Variants in TNKS observed in about 807,000 individuals in gnomAD.
TNKS encodes tankyrase.
A neutral mutation model predicts 135.8 loss-of-function variants in TNKS; 72 were observed. The observed-to-expected ratio is 0.53, with a 90% CI of 0.44 to 0.64. The LOEUF is 0.64. TNKS is among the 30% of genes least tolerant of loss of function. TNKS has a pLI of 0.00. For missense variants in TNKS, 1,769 were observed against 1,674.0 expected, an observed-to-expected ratio of 1.06 and a Z score of -0.99; for synonymous variants, 849 against 649.3, an observed-to-expected ratio of 1.31 and a Z score of -4.68.
Position 9,597,456 on chromosome 8 carries a change from T to C in TNKS, c.898+17073T>C, listed in dbSNP as rs28716954. 9.7e-3 allele frequency among the ~76,000 whole-genome samples: 1,466 copies of C among 151,174 alleles called. 16 individuals carry two copies. The highest frequency in any genetic ancestry group is 0.034 in the African/African-American group (1,383 of 40,458). ...GCGTGAATTTGTGTTACATTCTTTG[T>C]TTAGTATCCTTTGTAATTTTGTAAA... On this transcript the variant is annotated intron_variant, in intron 2 of 26. Coordinates refer to ENST00000310430, the MANE Select transcript of TNKS (RefSeq NM_003747.3).
chr8:9,618,664 A>T lies in TNKS; in HGVS notation c.994+2987A>T, dbSNP rs73539923. Among the ~76,000 whole-genome samples the T allele has an allele frequency of 7.1e-3, 1,076 of 152,314 alleles. 14 individuals carry two copies. Among genetic ancestry groups the T allele is most frequent in the African/African-American group, 0.024 (998 of 41,574 alleles). On this transcript the variant is annotated intron_variant, in intron 3 of 26. Transcript: ENST00000310430. ...AGCAGTTTTTGTGTGTTTTGATTAT[A>T]AATTTTTTAAAGTAACATACTTTTG...
intron 1 of TNKS, among the ~76,000 whole-genome samples, chr8:9,578,080 C>T (rs984907252): frequency 6.6e-6 from 1 of 152,200 alleles, no homozygotes; most frequent in African/African-American, 2.4e-5. Flanking sequence ...CAGGCCACAC[C>T]AACACAAGGG....
intron 3 of TNKS, among the ~76,000 whole-genome samples, chr8:9,661,887 A>T (rs1190703464): frequency 6.6e-6 from 1 of 152,248 alleles, no homozygotes; most frequent in African/African-American, 2.4e-5. Context: ...ACAAATGTAC[A>T]AGAAAAAAAC....
chr8:9,675,630 T>C (rs761517146), intron 3 of TNKS, among the ~76,000 whole-genome samples: 19 of 152,352 alleles, frequency 1.2e-4, no homozygotes, highest in Admixed American at 2.6e-4. Flanking sequence ...GCTTGTTATA[T>C]TGATGTGATT....
At chr8:9,676,422 T>A (rs999211358) in intron 3 of TNKS, among the ~76,000 whole-genome samples, 1 of 152,184 alleles carries the variant, frequency 6.6e-6, no homozygotes, top group African/African-American at 2.4e-5. Context: ...TTTACAAAAC[T>A]AAGTCTACCT....
chr8:9,750,274 C>T (rs899251281), intron 18 of TNKS, among the ~76,000 whole-genome samples: 2 of 152,164 alleles, frequency 1.3e-5, no homozygotes, highest in African/African-American at 4.8e-5. Flanking sequence ...CTTGAAGAAA[C>T]TTTTGCTGAT....
intron 17 of TNKS, among the ~76,000 whole-genome samples, chr8:9,747,427 A>G (rs1399036577): frequency 1.3e-5 from 2 of 152,156 alleles, no homozygotes; most frequent in Non-Finnish European, 2.9e-5. Context: ...CCTCATGCCC[A>G]GGTTATTAGC....
At chr8:9,676,287 A>G (rs1273271061) in intron 3 of TNKS, among the ~76,000 whole-genome samples, 1 of 152,034 alleles carries the variant, frequency 6.6e-6, no homozygotes, top group Non-Finnish European at 1.5e-5. Flanking sequence ...TGTTGGGATT[A>G]CAGGTGTGAG....
At chr8:9,615,155 A>T (rs537203193) in intron 2 of TNKS, 1 of 159,326 alleles carries the variant, frequency 6.3e-6, no homozygotes, top group Non-Finnish European at 1.4e-5. Flanking sequence ...TATTATAACT[A>T]TTCTGAGGAG....
At position 9,748,311 on chromosome 8, in the gene TNKS, C is replaced by T. The variant is rs189920891; in HGVS notation, c.2832+99C>T. On this transcript the variant is annotated intron_variant, in intron 18 of 26. Transcript: ENST00000310430. ...AGCTTACTTTTAGTCGTGTTTATTT[C>T]ACTTAGAACAGAGATCTTCTGAAAA... is the stretch of plus-strand genomic sequence containing the variant. 298 of 1,088,104 alleles carry T rather than the reference C, an allele frequency of 2.7e-4. 1 individual carries two copies. In the East Asian group the frequency reaches 5.7e-3, roughly 21 times the overall value. 67.4% of individuals were successfully genotyped at this position (1,088,104 alleles called of 1,614,324 possible).
chr8:9,602,024 C>G lies in TNKS; in HGVS notation c.899-13558C>G, dbSNP rs76142255. Among the ~76,000 whole-genome samples, 10 of 152,036 alleles carry G rather than the reference C, an allele frequency of 6.6e-5. No homozygotes were observed. The East Asian group carries it at 1.9e-3, about 30-fold the overall frequency. On this transcript the variant is annotated intron_variant, in intron 2 of 26. Transcript: ENST00000310430. Reference sequence around the variant, plus strand: ...CGTTCTCAAGCAGGGACAGTTTTACCCCTTAGAGGGCATATTTAGCTATAT... The same window carrying G: ...CGTTCTCAAGCAGGGACAGTTTTACGCCTTAGAGGGCATATTTAGCTATAT...
rs1254509018 is a variant in TNKS, at chr8:9,780,553, A to G, written c.*3817A>G. 1 of 152,228 alleles carries G rather than the reference A, an allele frequency of 6.6e-6. No homozygotes were observed. The highest frequency in any genetic ancestry group is 1.5e-5 in the Non-Finnish European group (1 of 68,044). 9.4% of individuals were successfully genotyped at this position (152,228 alleles called of 1,614,324 possible). A position where few individuals can be genotyped will look rare whatever the true frequency, so the allele number is the denominator to read the frequency against. On this transcript the variant is annotated 3_prime_UTR_variant, in exon 27 of 27. Transcript: ENST00000310430. Reference sequence around the variant, plus strand: ...GTACACATCTAGCATATGGAAAGCAAATGCACTCGAAAACTACTATTCTAG... The same window carrying G: ...GTACACATCTAGCATATGGAAAGCAGATGCACTCGAAAACTACTATTCTAG...
chr8:9,730,801 A>G (rs754316873), intron 13 of TNKS, 89 bp from the exon 14 acceptor site: 1 of 1,390,756 alleles, frequency 7.2e-7, no homozygotes, highest in Non-Finnish European at 9.8e-7. Flanking sequence ...TAATTTACTT[A>G]TCCAAGATGT....
At position 9,556,658 on chromosome 8, in the gene TNKS, C is replaced by T. The variant is rs760076043; in HGVS notation, c.673+46C>T. 160 of 1,606,238 alleles carry T rather than the reference C, an allele frequency of 1.0e-4. 1 individual carries two copies. The highest frequency in any genetic ancestry group is 2.1e-5 in the Non-Finnish European group (25 of 1,177,000). ...TTATTAAGGGTTATGGGTTTGGGTG[C>T]AGGGTCCGGTTAGGACAAGAAAACA... is the stretch of plus-strand genomic sequence containing the variant. On this transcript the variant is annotated intron_variant, in intron 1 of 26. Transcript: ENST00000310430.
At chr8:9,601,376 A>G (rs956377220) in intron 2 of TNKS, among the ~76,000 whole-genome samples, 6 of 152,210 alleles carry the variant, frequency 3.9e-5, no homozygotes, top group Non-Finnish European at 8.8e-5. Context: ...TATCTGCACA[A>G]GTACTCTTTG....
intron 3 of TNKS, among the ~76,000 whole-genome samples, chr8:9,623,411 A>C (rs1028056788): frequency 3.4e-5 from 5 of 147,314 alleles, no homozygotes; most frequent in African/African-American, 1.3e-4. Flanking sequence ...GAAGAAGCAA[A>C]TATTGCCATA....
intron 25 of TNKS, 52 bp from the exon 26 acceptor site, chr8:9,770,054 A>T (rs1807728466): frequency 1.3e-6 from 2 of 1,512,176 alleles, no homozygotes; most frequent in Non-Finnish European, 8.9e-7. Context: ...CAGTTATATT[A>T]TTGTAAGATT....
chr8:9,610,324 TATA>T (rs1221577273), intron 2 of TNKS, among the ~76,000 whole-genome samples: 2 of 151,302 alleles, frequency 1.3e-5, no homozygotes, highest in African/African-American at 4.8e-5. Flanking sequence ...ATTATTACGG[TATA>T]ATATATACTG....
chr8:9,639,308 CTG>C (rs1800636616), intron 3 of TNKS, among the ~76,000 whole-genome samples: 2 of 152,058 alleles, frequency 1.3e-5, no homozygotes, highest in South Asian at 4.1e-4. Flanking sequence ...CATTTACAAA[CTG>C]TCAGTTGTTT....
Sources: gnomAD v4.1 joint callset for allele counts (sites outside exome capture counted in the v4.1 genomes callset) on GRCh38, gnomAD v4.1.1 for gene constraint, MANE v1.5 for transcripts, NCBI Gene and HGNC (gene_info 2026-07-23, HGNC 2026-07-21) for gene names.